The following MARCHF1 variants were observed in gnomAD, a reference collection of about 807,000 sequenced individuals.
MARCHF1 encodes E3 ubiquitin-protein ligase MARCHF1.
In MARCHF1, 40 loss-of-function variants were observed where a neutral mutation model predicts 54.2. The observed-to-expected ratio is 0.74, with a 90% confidence interval of 0.57 to 0.96. The LOEUF (loss-of-function observed/expected upper bound fraction) is 0.96, where lower values mean the gene tolerates loss of function less well. Among genes scored for constraint, MARCHF1 ranks in the 40% least tolerant of loss-of-function variants. MARCHF1 has a pLI of 0.00. For synonymous variants in MARCHF1, 236 were observed against 236.3 expected (o/e 1.00, Z 0.01); for missense variants, 586 against 656.5 (o/e 0.89, Z 1.17).
intron 2 of MARCHF1, among the ~76,000 whole-genome samples, chr4:164,002,367 T>C (rs891327613): frequency 6.6e-6 from 1 of 150,962 alleles, no homozygotes; most frequent in East Asian, 1.9e-4. Flanking sequence ...AAAAAACAAA[T>C]GGAAAATATA....
chr4:163,719,195 G>T (rs1213936798), intron 4 of MARCHF1, among the ~76,000 whole-genome samples: 1 of 128,548 alleles, frequency 7.8e-6, no homozygotes, highest in Non-Finnish European at 1.6e-5. Flanking sequence ...CCAACCCCAT[G>T]ACAGGCAGTG....
At chr4:164,347,912 T>G (rs1730155350) in intron 1 of MARCHF1, among the ~76,000 whole-genome samples, 1 of 152,194 alleles carries the variant, frequency 6.6e-6, no homozygotes. Context: ...ATATTTTCAT[T>G]TTGTCAGTAT....
intron 4 of MARCHF1, among the ~76,000 whole-genome samples, chr4:163,770,412 G>T (rs1160096664): frequency 2.0e-5 from 3 of 152,052 alleles, no homozygotes; most frequent in African/African-American, 7.2e-5. Context: ...CTGCTTTGTT[G>T]CTAGACTGCC....
chr4:163,809,088 C>T (rs1282447459), intron 4 of MARCHF1, among the ~76,000 whole-genome samples: 1 of 152,022 alleles, frequency 6.6e-6, no homozygotes, highest in Non-Finnish European at 1.5e-5. Context: ...GCTTTCATTC[C>T]ACCTTTCCAC....
chr4:164,037,163 T>A (rs1754023644), intron 2 of MARCHF1, among the ~76,000 whole-genome samples: 1 of 152,116 alleles, frequency 6.6e-6, no homozygotes, highest in African/African-American at 2.4e-5. Flanking sequence ...GTCGAATTTA[T>A]GATGTCTAAT....
At chr4:164,179,996 T>G (rs943262652) in intron 1 of MARCHF1, among the ~76,000 whole-genome samples, 32 of 149,830 alleles carry the variant, frequency 2.1e-4, no homozygotes, top group African/African-American at 7.9e-4. Flanking sequence ...TGTTGGACAT[T>G]TGGGTTCATT....
chr4:164,221,226 G>C (rs1392144848), intron 1 of MARCHF1, among the ~76,000 whole-genome samples: 1 of 152,050 alleles, frequency 6.6e-6, no homozygotes, highest in Non-Finnish European at 1.5e-5. Context: ...GAAGTAATCT[G>C]TGTACTATTG....
At chr4:163,636,081 G>T in intron 5 of MARCHF1, among the ~76,000 whole-genome samples, 1 of 152,118 alleles carries the variant, frequency 6.6e-6, no homozygotes, top group East Asian at 1.9e-4. Context: ...ATTAGGTATC[G>T]ATGGGACGTA....
chr4:164,319,569 G>T (rs1735083924), intron 1 of MARCHF1, among the ~76,000 whole-genome samples: 1 of 152,120 alleles, frequency 6.6e-6, no homozygotes, highest in Non-Finnish European at 1.5e-5. Flanking sequence ...AGGTAAAAAG[G>T]TCTTTAAAAT....
chr4:164,213,436 C>T (rs1731837801), intron 1 of MARCHF1, among the ~76,000 whole-genome samples: 1 of 151,770 alleles, frequency 6.6e-6, no homozygotes, highest in African/African-American at 2.4e-5. Context: ...GGGGTTTCAC[C>T]GTGTTAGCCA....
intron 3 of MARCHF1, among the ~76,000 whole-genome samples, chr4:163,921,154 A>G (rs1206390605): frequency 6.6e-6 from 1 of 152,182 alleles, no homozygotes; most frequent in African/African-American, 2.4e-5. Flanking sequence ...AGAAACTCAT[A>G]TGAGAAGAAG....
chr4:164,325,298 A>T lies in MARCHF1; in HGVS notation c.-323+58572T>A, dbSNP rs180901093. On this transcript the variant is annotated intron_variant, in intron 1 of 9. Coordinates refer to ENST00000514618, the MANE Select transcript of MARCHF1 (RefSeq NM_001394959.1). ...GACAGTGAAGAACATCATACAAGAG[A>T]AATGGACAAGGACCAGTGAGTTGGT... 2.7e-5 allele frequency among the ~76,000 whole-genome samples: 4 copies of T among 149,364 alleles called. No individual in the cohort carries two copies. The East Asian group carries it at 8.2e-4, about 31-fold the overall frequency.
chr4:163,912,369 T>C (rs75223897), intron 3 of MARCHF1, among the ~76,000 whole-genome samples: 159 of 152,286 alleles, frequency 1.0e-3, no homozygotes, highest in African/African-American at 3.5e-3. Flanking sequence ...AAAAAAAGTG[T>C]TATGTAATTA....
chr4:164,157,145 A>G (rs1298354596), intron 1 of MARCHF1, among the ~76,000 whole-genome samples: 1 of 151,882 alleles, frequency 6.6e-6, no homozygotes, highest in Non-Finnish European at 1.5e-5. Context: ...CTTAAGAACT[A>G]TAATTTATAA....
chr4:164,376,674 A>G (rs866769210), intron 1 of MARCHF1, among the ~76,000 whole-genome samples: 18 of 152,156 alleles, frequency 1.2e-4, no homozygotes, highest in African/African-American at 4.3e-4. Context: ...GCGAGGCTCC[A>G]TGGTGGTGTT....
At chr4:164,200,247 T>G (rs1029758202) in intron 1 of MARCHF1, among the ~76,000 whole-genome samples, 2 of 152,236 alleles carry the variant, frequency 1.3e-5, no homozygotes, top group African/African-American at 4.8e-5. Flanking sequence ...ATTATATTAT[T>G]TACTGGCAAG....
In MARCHF1 at chr4:164,163,245, AATT is replaced by A. The variant is rs527794460; in HGVS notation, c.-322-51586_-322-51584del. The stretch of plus-strand genomic sequence containing the variant: ...TTCAATAAAAATAAGACTCTATAAA[AATT>A]ATTATAATACTATTTCTGGAATTAA... On this transcript the variant is annotated intron_variant, in intron 1 of 9. Coordinates refer to ENST00000514618, the MANE Select transcript of MARCHF1 (RefSeq NM_001394959.1). Among the ~76,000 whole-genome samples the A allele has an allele frequency of 1.6e-4, 25 of 152,094 alleles. No individual in the cohort carries two copies. In the East Asian group the frequency reaches 4.6e-3, roughly 28 times the overall value.
At chr4:164,269,783 G>T (rs374887759) in intron 1 of MARCHF1, among the ~76,000 whole-genome samples, 1 of 152,048 alleles carries the variant, frequency 6.6e-6, no homozygotes, top group East Asian at 1.9e-4. Context: ...CTGGGGAGGG[G>T]GGTTTATCGT....
intron 4 of MARCHF1, among the ~76,000 whole-genome samples, chr4:163,735,711 A>T (rs765121621): frequency 8.1e-4 from 123 of 152,264 alleles, no homozygotes; most frequent in African/African-American, 2.7e-3. Context: ...CCTGAATTTT[A>T]GGGGGCCACA....
Sources: allele counts gnomAD v4.1 joint callset (sites outside exome capture counted in the v4.1 genomes callset), GRCh38; gene constraint gnomAD v4.1.1; transcripts MANE v1.5; gene names NCBI Gene and HGNC (gene_info 2026-07-23, HGNC 2026-07-21).